Variants in CYB5B observed in about 807,000 individuals in gnomAD.
CYB5B encodes cytochrome b5 type B.
CYB5B carries 14 observed loss-of-function variants against 21.3 expected under a neutral mutation model. The observed-to-expected ratio is 0.66, with a 90% CI of 0.43 to 1.03. CYB5B has a LOEUF of 1.03. CYB5B is among the 50% of genes least tolerant of loss of function. The probability of loss-of-function intolerance (pLI) is 0.00; values close to 1 mark genes in which losing one functional copy is unlikely to be tolerated. For synonymous variants in CYB5B, 69 were observed against 68.4 expected (o/e 1.01, Z -0.04); for missense variants, 166 against 185.1 (o/e 0.90, Z 0.60).
intron 1 of CYB5B, among the ~76,000 whole-genome samples, chr16:69,426,053 C>A (rs1447887260): frequency 6.6e-6 from 1 of 152,154 alleles, no homozygotes; most frequent in Non-Finnish European, 1.5e-5. Context: ...TTAACAAACT[C>A]AGAATTTACT....
intron 1 of CYB5B, among the ~76,000 whole-genome samples, chr16:69,439,736 T>C: frequency 6.6e-6 from 1 of 151,750 alleles, no homozygotes; most frequent in East Asian, 1.9e-4. Context: ...CCAGCTAATT[T>C]TTGTATTTTC....
chr16:69,449,907 T>G (rs2014915394), intron 3 of CYB5B: 1 of 152,192 alleles, frequency 6.6e-6, no homozygotes, highest in African/African-American at 2.4e-5. Flanking sequence ...ATTAGAGATT[T>G]CTCAGCTGAA....
intron 3 of CYB5B, chr16:69,449,284 T>C (rs2014909173): frequency 6.6e-6 from 1 of 152,226 alleles, no homozygotes; most frequent in African/African-American, 2.4e-5. Flanking sequence ...CTCAGTGTCT[T>C]AGTTCCCCTT....
chr16:69,436,988 T>A (rs1268921815), intron 1 of CYB5B, among the ~76,000 whole-genome samples: 1 of 152,248 alleles, frequency 6.6e-6, no homozygotes, highest in Non-Finnish European at 1.5e-5. Flanking sequence ...CCAAAAATAC[T>A]TAGTAAAGTA....
intron 2 of CYB5B, 107 bp from the exon 3 acceptor site, chr16:69,448,008 C>T: frequency 8.7e-7 from 1 of 1,151,976 alleles, no homozygotes; most frequent in Non-Finnish European, 1.3e-6. Flanking sequence ...CCAGGGAATT[C>T]ACTATCACCA....
At chr16:69,459,156 AG>A in intron 4 of CYB5B, 35 bp downstream of exon 4, 1 of 1,593,324 alleles carries the variant, frequency 6.3e-7, no homozygotes, top group Non-Finnish European at 8.5e-7. Flanking sequence ...CATACGTTCA[AG>A]GTAATGTCTG....
chr16:69,424,629 C>A lies in CYB5B; in HGVS notation c.-55C>A, dbSNP rs1022419625. On this transcript the variant is annotated 5_prime_UTR_variant, in exon 1 of 5. Coordinates refer to ENST00000307892, the MANE Select transcript of CYB5B (RefSeq NM_030579.3). Reference sequence around the variant, plus strand: ...GTTACGGAAGCCGAGGAAGGCTGAGCGCGGGCTCTCAAGGAAAGTAGTCGC... The same window carrying A: ...GTTACGGAAGCCGAGGAAGGCTGAGAGCGGGCTCTCAAGGAAAGTAGTCGC... 1.3e-6 allele frequency: 2 copies of A among 1,488,330 alleles called. No individual in the cohort carries two copies. The highest frequency in any genetic ancestry group is 2.5e-5 in the East Asian group (1 of 39,570). The allele number at this position is 1,488,330 out of a possible 1,614,324, so 92.2% of individuals were successfully genotyped here.
chr16:69,439,092 A>G (rs1439624113), intron 1 of CYB5B, among the ~76,000 whole-genome samples: 1 of 152,000 alleles, frequency 6.6e-6, no homozygotes, highest in African/African-American at 2.4e-5. Flanking sequence ...TAGCTTTTAT[A>G]TTTAGGTTGT....
intron 3 of CYB5B, among the ~76,000 whole-genome samples, chr16:69,452,792 A>G (rs2014948911): frequency 6.6e-6 from 1 of 152,148 alleles, no homozygotes; most frequent in Non-Finnish European, 1.5e-5. Flanking sequence ...GTGGATCACG[A>G]GGTCAAGACC....
intron 3 of CYB5B, among the ~76,000 whole-genome samples, chr16:69,458,588 T>C (rs1378134578): frequency 6.6e-6 from 1 of 152,184 alleles, no homozygotes. Flanking sequence ...CCTGTCATAA[T>C]TATTATGATT....
chr16:69,451,176 C>T (rs1597285267), intron 3 of CYB5B, among the ~76,000 whole-genome samples: 1 of 152,318 alleles, frequency 6.6e-6, no homozygotes, highest in East Asian at 1.9e-4. Context: ...TTGTGAATCT[C>T]TTCCTTGCTG....
At chr16:69,454,642 A>C (rs1567475142) in intron 3 of CYB5B, among the ~76,000 whole-genome samples, 1 of 152,210 alleles carries the variant, frequency 6.6e-6, no homozygotes, top group Non-Finnish European at 1.5e-5. Flanking sequence ...AGGGATACCA[A>C]AGTGTTCCAA....
intron 1 of CYB5B, among the ~76,000 whole-genome samples, chr16:69,441,621 C>A (rs2014824249): frequency 6.6e-6 from 1 of 152,188 alleles, no homozygotes; most frequent in Non-Finnish European, 1.5e-5. Context: ...CAGAAAAATT[C>A]CTGTGCAACC....
At position 69,441,937 on chromosome 16, in the gene CYB5B, G is replaced by C. The variant is rs983764726; in HGVS notation, c.175-5213G>C. Among the ~76,000 whole-genome samples the C allele has an allele frequency of 6.2e-4, 95 of 152,262 alleles. 1 individual carries two copies. The highest frequency in any genetic ancestry group is 4.4e-5 in the Non-Finnish European group (3 of 68,012). ...AGGTTTGCTACTTTTCCTGGCCCTG[G>C]ATAATCTGTCTGAAAAGAGTTTGTG... On this transcript the variant is annotated intron_variant, in intron 1 of 4. Coordinates refer to ENST00000307892, the MANE Select transcript of CYB5B (RefSeq NM_030579.3).
chr16:69,433,272 A>T (rs1262628566), intron 1 of CYB5B, among the ~76,000 whole-genome samples: 1 of 152,040 alleles, frequency 6.6e-6, no homozygotes, highest in African/African-American at 2.4e-5. Flanking sequence ...AACCTAGGTA[A>T]TTTTTTTCAT....
At chr16:69,457,016 C>T (rs2014989643) in intron 3 of CYB5B, among the ~76,000 whole-genome samples, 1 of 152,166 alleles carries the variant, frequency 6.6e-6, no homozygotes, top group African/African-American at 2.4e-5. Context: ...TTTCTCTTCT[C>T]TTTCCTTTAA....
Position 69,462,730 on chromosome 16 carries a change from C to T in CYB5B, c.*210C>T, listed in dbSNP as rs1428121273. The T allele has an allele frequency of 9.6e-6, 5 of 521,132 alleles. No individual in the cohort carries two copies. The highest frequency in any genetic ancestry group is 6.3e-5 in the Admixed American group (2 of 31,882). 32.3% of individuals were successfully genotyped at this position (521,132 alleles called of 1,614,324 possible). A position where few individuals can be genotyped will look rare whatever the true frequency, so the allele number is the denominator to read the frequency against. ...CTCCCAAAGTACCTGCTCACTGTTC[C>T]GTGTTGAACAATTGCCGGTGTTTCC... On this transcript the variant is annotated 3_prime_UTR_variant, in exon 5 of 5. Transcript: ENST00000307892.
At chr16:69,437,111 T>C (rs920543763) in intron 1 of CYB5B, among the ~76,000 whole-genome samples, 4 of 152,230 alleles carry the variant, frequency 2.6e-5, no homozygotes, top group Admixed American at 6.5e-5. Flanking sequence ...TTTGTAGCTG[T>C]AAAGTATTTC....
chr16:69,457,320 T>A (rs1381803691), intron 3 of CYB5B, among the ~76,000 whole-genome samples: 2 of 152,190 alleles, frequency 1.3e-5, no homozygotes, highest in Non-Finnish European at 2.9e-5. Context: ...AAGTATATGA[T>A]TTTTACTCTA....
Sources: gnomAD v4.1 joint callset for allele counts (sites outside exome capture counted in the v4.1 genomes callset) on GRCh38, gnomAD v4.1.1 for gene constraint, MANE v1.5 for transcripts, NCBI Gene and HGNC (gene_info 2026-07-23, HGNC 2026-07-21) for gene names.